WWP2: variants seen among roughly 807,000 people sequenced by gnomAD.
WWP2 encodes NEDD4-like E3 ubiquitin-protein ligase WWP2.
In WWP2, 57 loss-of-function variants were observed where a neutral mutation model predicts 121.0. That is an observed-to-expected ratio of 0.47 (90% CI 0.38 to 0.59). The LOEUF is 0.59. Among genes scored for constraint, WWP2 ranks in the 20% least tolerant of loss-of-function variants. The probability of loss-of-function intolerance (pLI) is 0.00; values close to 1 mark genes in which losing one functional copy is unlikely to be tolerated. For missense variants in WWP2, 962 were observed against 1,158.9 expected (o/e 0.83, Z 2.47); for synonymous variants, 449 against 441.3 (o/e 1.02, Z -0.22).
intron 1 of WWP2, among the ~76,000 whole-genome samples, chr16:69,777,035 A>G (rs577723670): frequency 6.6e-6 from 1 of 151,568 alleles, no homozygotes; most frequent in East Asian, 1.9e-4. Context: ...TTAAAACAGT[A>G]TATGTGTGTG....
At chr16:69,764,506 T>G (rs193167963) in intron 1 of WWP2, among the ~76,000 whole-genome samples, 2 of 152,318 alleles carry the variant, frequency 1.3e-5, no homozygotes, top group East Asian at 1.9e-4. Flanking sequence ...AGTTTTATTT[T>G]TACATAATTT....
At chr16:69,834,352 C>T (rs1367008185) in intron 4 of WWP2, among the ~76,000 whole-genome samples, 11 of 152,118 alleles carry the variant, frequency 7.2e-5, no homozygotes, top group Admixed American at 3.3e-4. Context: ...CAGATACCCA[C>T]GTGACTTCCC....
chr16:69,857,051 G>A (rs1165904499), intron 6 of WWP2, among the ~76,000 whole-genome samples: 1 of 151,992 alleles, frequency 6.6e-6, no homozygotes, highest in African/African-American at 2.4e-5. Context: ...TCTTCCTCTT[G>A]TTAATTTCTG....
intron 9 of WWP2, among the ~76,000 whole-genome samples, chr16:69,915,498 T>G (rs1007701977): frequency 1.3e-5 from 2 of 152,198 alleles, no homozygotes; most frequent in Non-Finnish European, 1.5e-5. Context: ...GAGGATAGTT[T>G]GAGCCCAGCA....
intron 8 of WWP2, among the ~76,000 whole-genome samples, chr16:69,893,767 C>T (rs188360438): frequency 1.9e-3 from 293 of 152,262 alleles, no homozygotes; most frequent in Non-Finnish European, 2.8e-3. Context: ...TGTGCTCGAA[C>T]GCCTGACCTC....
intron 7 of WWP2, among the ~76,000 whole-genome samples, chr16:69,872,996 C>T (rs1199142466): frequency 6.6e-6 from 1 of 152,220 alleles, no homozygotes; most frequent in Admixed American, 6.5e-5. Context: ...AGTTTGTCTT[C>T]ATTTCGGGCA....
chr16:69,889,694 C>T (rs2057991142), intron 8 of WWP2, among the ~76,000 whole-genome samples: 1 of 152,140 alleles, frequency 6.6e-6, no homozygotes, highest in African/African-American at 2.4e-5. Flanking sequence ...GTCCCTTCTT[C>T]GCAGCTCTGA....
At chr16:69,930,050 C>T (rs2058690487) in intron 12 of WWP2, 80 bp from the exon 13 acceptor site, 1 of 1,597,234 alleles carries the variant, frequency 6.3e-7, no homozygotes, top group African/African-American at 1.4e-5. Flanking sequence ...GACAAAGCCA[C>T]ACTTTGAGGA....
At chr16:69,779,147 C>T in intron 1 of WWP2, among the ~76,000 whole-genome samples, 1 of 152,102 alleles carries the variant, frequency 6.6e-6, no homozygotes, top group East Asian at 1.9e-4. Flanking sequence ...GATGGGGTTT[C>T]ACCATGTTGG....
At chr16:69,930,799 G>T (rs767847928) in intron 13 of WWP2, among the ~76,000 whole-genome samples, 4 of 152,194 alleles carry the variant, frequency 2.6e-5, no homozygotes, top group Non-Finnish European at 4.4e-5. Flanking sequence ...TTAAGACCAG[G>T]AATTCGAGGC....
intron 1 of WWP2, among the ~76,000 whole-genome samples, chr16:69,771,230 T>G (rs1336649917): frequency 6.6e-6 from 1 of 152,176 alleles, no homozygotes; most frequent in Non-Finnish European, 1.5e-5. Context: ...TGTTTTCTCC[T>G]GTCAAAAGTT....
chr16:69,815,686 C>T (rs2056476122), intron 4 of WWP2, among the ~76,000 whole-genome samples: 1 of 150,748 alleles, frequency 6.6e-6, no homozygotes, highest in South Asian at 2.1e-4. Context: ...GCTTGGGAGG[C>T]TGAGGCAGGA....
intron 16 of WWP2, among the ~76,000 whole-genome samples, chr16:69,932,189 C>T (rs1036075412): frequency 5.9e-5 from 9 of 152,314 alleles, no homozygotes; most frequent in East Asian, 3.9e-4. Context: ...ATTAGCTGGG[C>T]GTGGTGGTGC....
chr16:69,810,260 C>T (rs1254295669), intron 4 of WWP2, among the ~76,000 whole-genome samples: 1 of 152,170 alleles, frequency 6.6e-6, no homozygotes, highest in Admixed American at 6.5e-5. Context: ...TCACGTCCCG[C>T]AGTGGCGGAT....
chr16:69,765,065 G>A (rs2038697809), intron 1 of WWP2, among the ~76,000 whole-genome samples: 1 of 152,070 alleles, frequency 6.6e-6, no homozygotes, highest in East Asian at 1.9e-4. Flanking sequence ...TTAGCCAGGT[G>A]CAGTGGCGCC....
At chr16:69,849,674 G>T (rs1467008637) in intron 6 of WWP2, among the ~76,000 whole-genome samples, 4 of 152,152 alleles carry the variant, frequency 2.6e-5, no homozygotes, top group Non-Finnish European at 5.9e-5. Context: ...TGGGCATGGT[G>T]GCTGTATGCC....
chr16:69,762,765 G>C (rs1046540771), intron 1 of WWP2, among the ~76,000 whole-genome samples: 15 of 152,322 alleles, frequency 9.8e-5, no homozygotes, highest in African/African-American at 3.4e-4. Flanking sequence ...GAGCTGGAAG[G>C]GGGTGCCTGA....
At chr16:69,778,974 G>A (rs1159606604) in intron 1 of WWP2, among the ~76,000 whole-genome samples, 1 of 144,422 alleles carries the variant, frequency 6.9e-6, no homozygotes, top group African/African-American at 2.6e-5. Context: ...TTTTGAGATG[G>A]AGTCTCGCTC....
chr16:69,816,248 G>C (rs4608327), intron 4 of WWP2, among the ~76,000 whole-genome samples: 118,392 of 151,540 alleles, frequency 0.78, 46,559 homozygotes, highest in Admixed American at 0.86. Flanking sequence ...ACTGTAAAAG[G>C]TGTGTAAAAT....
Sources: gnomAD v4.1 joint callset for allele counts (sites outside exome capture counted in the v4.1 genomes callset) on GRCh38, gnomAD v4.1.1 for gene constraint, MANE v1.5 for transcripts, NCBI Gene and HGNC (gene_info 2026-07-23, HGNC 2026-07-21) for gene names.